The following SAMD5 variants were observed in gnomAD, a reference collection of about 807,000 sequenced individuals.
SAMD5 encodes sterile alpha motif domain containing 5, also known as sterile alpha motif domain-containing protein 5.
In SAMD5, 13 loss-of-function variants were observed where a neutral mutation model predicts 11.3. The observed-to-expected ratio is 1.15, with a 90% confidence interval of 0.75 to 1.83. The LOEUF (loss-of-function observed/expected upper bound fraction) is 1.83, where lower values mean the gene tolerates loss of function less well. SAMD5 is among the 40% of genes most tolerant of loss of function. The pLI, the probability that SAMD5 is intolerant of heterozygous loss-of-function variation, is 0.00. For synonymous variants in SAMD5, 129 were observed against 111.3 expected (o/e 1.16, Z -1.00); for missense variants, 255 against 239.1 (o/e 1.07, Z -0.44).
the SAMD5 span, among the ~76,000 whole-genome samples, chr6:147,878,599 A>AGATATC: frequency 1.4e-5 from 2 of 145,106 alleles, no homozygotes; most frequent in African/African-American, 5.1e-5. Context: ...ATATATACAT[A>AGATATC]TATATCTATA....
the SAMD5 span, among the ~76,000 whole-genome samples, chr6:147,830,704 GA>G: frequency 1.3e-5 from 2 of 152,116 alleles, no homozygotes; most frequent in Admixed American, 6.5e-5. Flanking sequence ...AGAAAGAAAG[GA>G]AAAAAATTAT....
At chr6:147,777,474 C>A in the SAMD5 span, among the ~76,000 whole-genome samples, 1 of 152,130 alleles carries the variant, frequency 6.6e-6, no homozygotes, top group South Asian at 2.1e-4. Context: ...ACCTCATTTG[C>A]CACTCCTCAG....
the SAMD5 span, among the ~76,000 whole-genome samples, chr6:147,905,316 G>T: frequency 6.6e-6 from 1 of 152,086 alleles, no homozygotes. Context: ...GGAGCAGCTG[G>T]GATTACAGGC....
At chr6:147,538,343 A>G (rs1788545968) in intron 1 of SAMD5, among the ~76,000 whole-genome samples, 2 of 152,250 alleles carry the variant, frequency 1.3e-5, no homozygotes, top group South Asian at 4.1e-4. Context: ...GACAATCTTT[A>G]AGACCCTCTG....
At chr6:147,843,368 C>T in the SAMD5 span, among the ~76,000 whole-genome samples, 1 of 152,120 alleles carries the variant, frequency 6.6e-6, no homozygotes, top group African/African-American at 2.4e-5. Context: ...GGAAGGATAT[C>T]CTGTGTTCAC....
chr6:147,708,174 GT>G (rs1791350019), intron 1 of SAMD5, among the ~76,000 whole-genome samples: 1 of 152,096 alleles, frequency 6.6e-6, no homozygotes, highest in Non-Finnish European at 1.5e-5. Context: ...TTAAAATCAG[GT>G]CAGCCAGGTG....
chr6:147,645,859 C>T (rs549537519), intron 1 of SAMD5, among the ~76,000 whole-genome samples: 2 of 152,160 alleles, frequency 1.3e-5, no homozygotes, highest in Non-Finnish European at 2.9e-5. Flanking sequence ...TTAGGTGAAA[C>T]TTTGCCATCT....
the SAMD5 span, among the ~76,000 whole-genome samples, chr6:147,838,406 C>A: frequency 1.3e-5 from 2 of 152,048 alleles, no homozygotes; most frequent in South Asian, 4.1e-4. Flanking sequence ...CTCTGCACAA[C>A]CTTTGTCACC....
chr6:147,576,967 G>A (rs1274307146), intron 1 of SAMD5, among the ~76,000 whole-genome samples: 2 of 152,056 alleles, frequency 1.3e-5, no homozygotes, highest in South Asian at 2.1e-4. Context: ...TTTTAAAACT[G>A]GAATAAAAAT....
chr6:147,853,726 T>C, the SAMD5 span, among the ~76,000 whole-genome samples: 4 of 152,196 alleles, frequency 2.6e-5, no homozygotes, highest in Non-Finnish European at 4.4e-5. Flanking sequence ...GATATGTTTC[T>C]TAATGACTCT....
chr6:147,817,457 A>T, the SAMD5 span, among the ~76,000 whole-genome samples: 1 of 152,266 alleles, frequency 6.6e-6, no homozygotes, highest in Non-Finnish European at 1.5e-5. Flanking sequence ...AGGTTTCTTC[A>T]TAAAGTCAGT....
chr6:147,757,952 C>A, the SAMD5 span, among the ~76,000 whole-genome samples: 1 of 152,050 alleles, frequency 6.6e-6, no homozygotes, highest in Admixed American at 6.6e-5. Flanking sequence ...TTTCATTCAA[C>A]TGAATGAAAT....
chr6:147,579,037 A>G (rs1481853146), intron 1 of SAMD5, among the ~76,000 whole-genome samples: 1 of 152,256 alleles, frequency 6.6e-6, no homozygotes, highest in Admixed American at 6.5e-5. Context: ...TTAAGACTGT[A>G]TGATGAATCA....
intron 1 of SAMD5, among the ~76,000 whole-genome samples, chr6:147,538,322 T>C (rs1210064846): frequency 6.6e-6 from 1 of 152,234 alleles, no homozygotes; most frequent in Non-Finnish European, 1.5e-5. Flanking sequence ...TTCATTACTC[T>C]TTTAGGTTAA....
chr6:147,635,870 G>A (rs575863124), intron 1 of SAMD5, among the ~76,000 whole-genome samples: 4 of 152,352 alleles, frequency 2.6e-5, no homozygotes, highest in South Asian at 4.1e-4. Flanking sequence ...ACTCAAATCA[G>A]CTCAACTATG....
At chr6:147,878,824 G>A in the SAMD5 span, among the ~76,000 whole-genome samples, 141 of 151,548 alleles carry the variant, frequency 9.3e-4, no homozygotes, top group African/African-American at 3.1e-3. Flanking sequence ...GCGCAATCTC[G>A]GCTCACTGCA....
chr6:147,557,997 T>A (rs1788884851), intron 1 of SAMD5, among the ~76,000 whole-genome samples: 1 of 152,200 alleles, frequency 6.6e-6, no homozygotes, highest in African/African-American at 2.4e-5. Flanking sequence ...TCACAGTCCC[T>A]GGGAGGTAGG....
the SAMD5 span, among the ~76,000 whole-genome samples, chr6:147,819,426 CACCCGTGA>C: frequency 6.6e-6 from 1 of 152,138 alleles, no homozygotes; most frequent in African/African-American, 2.4e-5. Context: ...GCTGCACATA[CACCCGTGA>C]ACCTAAAATA....
the SAMD5 span, among the ~76,000 whole-genome samples, chr6:147,889,130 C>T: frequency 3.3e-5 from 5 of 152,074 alleles, no homozygotes; most frequent in Non-Finnish European, 7.4e-5. Flanking sequence ...TTTGGTCATT[C>T]GAAGTTGTCC....
Sources: gnomAD v4.1 joint callset for allele counts (sites outside exome capture counted in the v4.1 genomes callset) on GRCh38, gnomAD v4.1.1 for gene constraint, MANE v1.5 for transcripts, NCBI Gene and HGNC (gene_info 2026-07-23, HGNC 2026-07-21) for gene names.